DMP1: variants seen among roughly 807,000 people sequenced by gnomAD.
The protein encoded by DMP1 is dentin matrix acidic phosphoprotein 1.
DMP1 carries 20 observed loss-of-function variants against 14.6 expected under a neutral mutation model. That is an observed-to-expected ratio of 1.37 (90% CI 0.96 to 1.99). DMP1 has a LOEUF of 1.99. DMP1 is among the 30% of genes most tolerant of loss of function. DMP1 has a pLI of 0.00. For missense variants in DMP1, 567 were observed against 620.5 expected, an observed-to-expected ratio of 0.91 and a Z score of 0.92; for synonymous variants, 197 against 215.3, an observed-to-expected ratio of 0.91 and a Z score of 0.75.
intron 2 of DMP1, 112 bp downstream of exon 2, chr4:87,656,658 T>C: frequency 1.3e-6 from 1 of 796,620 alleles, no homozygotes; most frequent in East Asian, 2.4e-5. Flanking sequence ...GTAAAAATAG[T>C]AGTTTCTTAG....
intron 3 of DMP1, among the ~76,000 whole-genome samples, chr4:87,658,537 G>C (rs1728764385): frequency 6.6e-6 from 1 of 152,136 alleles, no homozygotes; most frequent in Admixed American, 6.6e-5. Flanking sequence ...ATTCAGTTTT[G>C]TTTACTATTA....
intron 1 of DMP1, among the ~76,000 whole-genome samples, chr4:87,653,386 GATATATATATATATAT>G (rs57266829): frequency 0.045 from 2,589 of 57,754 alleles, 193 homozygotes; most frequent in Middle Eastern, 0.12. Context: ...ATTATCGAGT[GATATATATATATATAT>G]ATATATATAT....
chr4:87,656,950 C>A, intron 2 of DMP1, 82 bp from the exon 3 acceptor site: 1 of 877,690 alleles, frequency 1.1e-6, no homozygotes. Flanking sequence ...TTGACTATCC[C>A]TACTCCTATG....
chr4:87,663,642 C>G lies in DMP1; in HGVS notation c.*322C>G, dbSNP rs1017218437. On this transcript the variant is annotated 3_prime_UTR_variant, in exon 6 of 6. Transcript: ENST00000339673. ...TTGGGTGTCCATGATATACCAGGCA[C>G]TATGCTAGGTGTTGAGAATGTAAAG... The G allele has an allele frequency of 2.5e-6, 1 of 404,268 alleles. No individual in the cohort carries two copies. The highest frequency in any genetic ancestry group is 4.6e-6 in the Non-Finnish European group (1 of 215,140). 25.0% of individuals were successfully genotyped at this position (404,268 alleles called of 1,614,324 possible).
chr4:87,653,976 A>G (rs1395655643), intron 1 of DMP1, among the ~76,000 whole-genome samples: 3 of 152,176 alleles, frequency 2.0e-5, no homozygotes, highest in Admixed American at 2.0e-4. Flanking sequence ...GTCCAACAAA[A>G]CATGGGCAGC....
intron 3 of DMP1, 174 bp downstream of exon 3, chr4:87,657,253 T>A (rs1199321361): frequency 1.9e-6 from 1 of 522,828 alleles, no homozygotes; most frequent in Non-Finnish European, 3.5e-6. Context: ...AGTAGTATAC[T>A]CTGGCAAGGA....
At position 87,662,233 on chromosome 4, in the gene DMP1, C is replaced by T. The variant is rs1258693657; in HGVS notation, c.455C>T (p.Pro152Leu). The change falls in exon 6 of 6, where the codon CCA (proline) becomes CTA (leucine). Residue 152 changes from proline to leucine, a missense_variant. By Grantham distance (98) the Pro-to-Leu change is moderately conservative. Transcript: ENST00000339673. ...DTIQASEESA[P>L]QGQDSAQDTT... ...ATACAAGCCAGTGAAGAGAGTGCCC[C>T]ACAAGGGCAAGACAGTGCCCAAGAT... The T allele has an allele frequency of 6.2e-7, 1 of 1,614,136 alleles. No homozygotes were observed. The highest frequency in any genetic ancestry group is 1.7e-5 in the Admixed American group (1 of 60,022).
At chr4:87,661,892 A>C in intron 5 of DMP1, 70 bp from the exon 6 acceptor site, 2 of 1,613,238 alleles carry the variant, frequency 1.2e-6, no homozygotes, top group Non-Finnish European at 1.7e-6. Context: ...AAAGACTAGA[A>C]AGGCTCTAGA....
chr4:87,658,955 A>C, intron 3 of DMP1: 1 of 510,176 alleles, frequency 2.0e-6, no homozygotes, highest in East Asian at 3.5e-5. Context: ...GGCCAGGTTC[A>C]AAAAAGCATA....
chr4:87,663,651 G>C lies in DMP1; in HGVS notation c.*331G>C, dbSNP rs1025983253. 2.6e-6 allele frequency: 1 copy of C among 388,102 alleles called. No homozygotes were observed. Among genetic ancestry groups the C allele is most frequent in the Non-Finnish European group, 4.9e-6 (1 of 205,726 alleles). 24.0% of individuals were successfully genotyped at this position (388,102 alleles called of 1,614,324 possible). ...CATGATATACCAGGCACTATGCTAG[G>C]TGTTGAGAATGTAAAGCAGGTTAAG... On this transcript the variant is annotated 3_prime_UTR_variant, in exon 6 of 6. Transcript: ENST00000339673.
intron 1 of DMP1, among the ~76,000 whole-genome samples, chr4:87,655,154 C>G (rs1416862077): frequency 6.6e-6 from 1 of 152,072 alleles, no homozygotes; most frequent in African/African-American, 2.4e-5. Context: ...AGAAATGAAA[C>G]AAATCGACAA....
At position 87,657,092 on chromosome 4, in the gene DMP1, A is replaced by G. The variant is rs367681762; in HGVS notation, c.102+13A>G. On this transcript the variant is annotated intron_variant, in intron 3 of 5. Coordinates refer to ENST00000339673, the MANE Select transcript of DMP1 (RefSeq NM_004407.4). ...TGAAGAATGGAAGGTGAGTAGAAAT[A>G]TGACTTTTTGAAATATTTTAATTTT... 3.3e-5 allele frequency: 49 copies of G among 1,464,518 alleles called. No individual in the cohort carries two copies. The African/African-American group carries it at 6.2e-4, about 19-fold the overall frequency. The allele number at this position is 1,464,518 out of a possible 1,614,324, so 90.7% of individuals were successfully genotyped here.
intron 1 of DMP1, among the ~76,000 whole-genome samples, chr4:87,653,501 G>T (rs1337065106): frequency 6.8e-6 from 1 of 146,174 alleles, no homozygotes; most frequent in Non-Finnish European, 1.5e-5. Context: ...TCATGGCTCA[G>T]TGCAGCTTCA....
chr4:87,662,238 G>A lies in DMP1; in HGVS notation c.460G>A (p.Gly154Arg), dbSNP rs764542004. 3.7e-6 allele frequency: 6 copies of A among 1,614,186 alleles called. No individual in the cohort carries two copies. Among genetic ancestry groups the A allele is most frequent in the Non-Finnish European group, 5.1e-6 (6 of 1,180,056 alleles). ...AGCCAGTGAAGAGAGTGCCCCACAAGGGCAAGACAGTGCCCAAGATACCAC... is the reference window on the plus strand; with the variant it reads ...AGCCAGTGAAGAGAGTGCCCCACAAAGGCAAGACAGTGCCCAAGATACCAC... ...IQASEESAPQ[G>R]QDSAQDTTSE... The change falls in exon 6 of 6, where the codon GGG (glycine) becomes AGG (arginine). Residue 154 changes from glycine (G) to arginine (R), a missense_variant. Gly to Arg is a moderately radical substitution (Grantham distance 125). Coordinates refer to ENST00000339673, the MANE Select transcript of DMP1 (RefSeq NM_004407.4).
In DMP1 at chr4:87,653,407, A is replaced by ATATATATATATATATATATATAT. The variant is rs1560489271; in HGVS notation, c.-22+3024_-21-3042dup. Among the ~76,000 whole-genome samples the ATATATATATATATATATATATAT allele has an allele frequency of 1.8e-3, 184 of 104,146 alleles. 3 individuals are homozygous for ATATATATATATATATATATATAT. The highest frequency in any genetic ancestry group is 2.9e-3 in the Non-Finnish European group (148 of 50,388). 68.3% of individuals were successfully genotyped at this position (104,146 alleles called of 152,430 possible). A position where few individuals can be genotyped will look rare whatever the true frequency, so the allele number is the denominator to read the frequency against. On this transcript the variant is annotated intron_variant, in intron 1 of 5. Coordinates refer to ENST00000339673, the MANE Select transcript of DMP1 (RefSeq NM_004407.4). ...GAGTGATATATATATATATATATAT[A>ATATATATATATATATATATATAT]TATATATATATATATATATATATAT...
chr4:87,660,334 C>G (rs990669856), intron 5 of DMP1, among the ~76,000 whole-genome samples: 1 of 152,142 alleles, frequency 6.6e-6, no homozygotes, highest in Non-Finnish European at 1.5e-5. Flanking sequence ...TTTCAAGTTA[C>G]GGTAGCAATT....
At position 87,650,592 on chromosome 4, in the gene DMP1, C is replaced by T. The variant is rs535082691; in HGVS notation, c.-22+208C>T. The stretch of plus-strand genomic sequence containing the variant: ...AAATGACATGTTAAGACAATACAGC[C>T]AGGTGTTTTTCTTGGTAATGCTTTA... On this transcript the variant is annotated intron_variant, in intron 1 of 5. Transcript: ENST00000339673. Among the ~76,000 whole-genome samples, 15 of 152,160 alleles carry T rather than the reference C, an allele frequency of 9.9e-5. 1 individual carries two copies. Among genetic ancestry groups the T allele is most frequent in the Admixed American group, 7.2e-4 (11 of 15,282 alleles).
rs546422415 is a variant in DMP1 at position 87,659,066 on chromosome 4, A to T, written c.103-154A>T. 12 of 753,582 alleles carry T rather than the reference A, an allele frequency of 1.6e-5. No homozygotes were observed. In the South Asian group the frequency reaches 1.7e-4, roughly 11 times the overall value. 46.7% of individuals were successfully genotyped at this position (753,582 alleles called of 1,614,324 possible). Reference sequence around the variant, plus strand: ...TTAGTCATTTTACTTTCCTTTTGGAACCATTTCATCATAAAATTTCACTAT... The same window carrying T: ...TTAGTCATTTTACTTTCCTTTTGGATCCATTTCATCATAAAATTTCACTAT... On this transcript the variant is annotated intron_variant, in intron 3 of 5. Coordinates refer to ENST00000339673, the MANE Select transcript of DMP1 (RefSeq NM_004407.4).
At position 87,656,600 on chromosome 4, in the gene DMP1, C is replaced by T; in HGVS notation, c.54+54C>T. Reference sequence around the variant, plus strand: ...AAACCCTTTCATACTTAAAACTCCACAATTTTGATTGGCTATGAACCAAGA... The same window carrying T: ...AAACCCTTTCATACTTAAAACTCCATAATTTTGATTGGCTATGAACCAAGA... On this transcript the variant is annotated intron_variant, in intron 2 of 5. Transcript: ENST00000339673. The T allele has an allele frequency of 4.1e-6, 5 of 1,230,888 alleles. No individual in the cohort carries two copies. The Admixed American group carries it at 5.0e-5, about 12-fold the overall frequency. 76.2% of individuals were successfully genotyped at this position (1,230,888 alleles called of 1,614,324 possible).
Sources: gnomAD v4.1 joint callset for allele counts (sites outside exome capture counted in the v4.1 genomes callset) on GRCh38, gnomAD v4.1.1 for gene constraint, MANE v1.5 for transcripts, NCBI Gene and HGNC (gene_info 2026-07-23, HGNC 2026-07-21) for gene names.